Variants in TACR3 observed in about 807,000 individuals in gnomAD.
TACR3 encodes neuromedin-K receptor.
TACR3 carries 34 observed loss-of-function variants against 35.0 expected under a neutral mutation model. That is an observed-to-expected ratio of 0.97 (90% CI 0.74 to 1.30). The LOEUF (loss-of-function observed/expected upper bound fraction) is 1.30. Ranked by LOEUF, TACR3 falls within the 50% of genes most tolerant of loss-of-function variation. The pLI is 0.00. For synonymous variants in TACR3, 233 were observed against 221.1 expected, an observed-to-expected ratio of 1.05 and a Z score of -0.48; for missense variants, 558 against 591.7, an observed-to-expected ratio of 0.94 and a Z score of 0.59.
At chr4:103,671,867 T>A (rs1185804637) in intron 1 of TACR3, among the ~76,000 whole-genome samples, 2 of 152,122 alleles carry the variant, frequency 1.3e-5, no homozygotes, top group Non-Finnish European at 2.9e-5. Context: ...TAACTCTTCT[T>A]TTCACAAAAG....
At chr4:103,656,711 G>C (rs1234466378) in intron 2 of TACR3, among the ~76,000 whole-genome samples, 6 of 151,936 alleles carry the variant, frequency 3.9e-5, no homozygotes, top group Non-Finnish European at 7.4e-5. Context: ...GAAAAGGGAA[G>C]GGATAGAATA....
chr4:103,601,795 C>G (rs1254898115), intron 3 of TACR3, among the ~76,000 whole-genome samples: 3 of 152,154 alleles, frequency 2.0e-5, no homozygotes, highest in African/African-American at 4.8e-5. Context: ...GTAACCTGAC[C>G]TTTCTCTCTG....
intron 3 of TACR3, among the ~76,000 whole-genome samples, chr4:103,603,494 G>T (rs1051799069): frequency 6.6e-6 from 1 of 152,198 alleles, no homozygotes; most frequent in Non-Finnish European, 1.5e-5. Context: ...TGCTCACGCT[G>T]GGCGAACTTA....
At chr4:103,665,722 A>T (rs1229080642) in intron 1 of TACR3, among the ~76,000 whole-genome samples, 1 of 152,136 alleles carries the variant, frequency 6.6e-6, no homozygotes, top group Non-Finnish European at 1.5e-5. Flanking sequence ...TATTTGGTTA[A>T]ATGTTCCTTG....
intron 1 of TACR3, among the ~76,000 whole-genome samples, chr4:103,702,445 T>C (rs933436088): frequency 3.3e-5 from 5 of 152,194 alleles, no homozygotes; most frequent in African/African-American, 1.2e-4. Flanking sequence ...ACTTTTACAC[T>C]GTTGGTGGGA....
Position 103,615,398 on chromosome 4 carries a change from TGAGAGAGA to T in TACR3, c.889-23723_889-23716del, listed in dbSNP as rs111766715. ...TATCGTGTGTGTGTGTGTGTGTGTG[TGAGAGAGA>T]GAGAGAGAGAGAGAGAGAGAGAGAG... On this transcript the variant is annotated intron_variant, in intron 3 of 4. Transcript: ENST00000304883. Among the ~76,000 whole-genome samples the T allele has an allele frequency of 1.8e-3, 216 of 117,178 alleles. 2 individuals carry two copies. Among genetic ancestry groups the T allele is most frequent in the Middle Eastern group, 8.2e-3 (2 of 244 alleles). 76.9% of individuals were successfully genotyped at this position (117,178 alleles called of 152,430 possible).
chr4:103,605,152 T>C (rs1724324563), intron 3 of TACR3, among the ~76,000 whole-genome samples: 1 of 150,328 alleles, frequency 6.7e-6, no homozygotes, highest in Admixed American at 6.7e-5. Context: ...ACAAAGGACA[T>C]GAACTCATCA....
chr4:103,698,799 G>C (rs555392710), intron 1 of TACR3, among the ~76,000 whole-genome samples: 6 of 149,274 alleles, frequency 4.0e-5, no homozygotes, highest in African/African-American at 1.5e-4. Flanking sequence ...GTGGAATTGA[G>C]ATGTTCCTAA....
chr4:103,664,887 C>G (rs76773393), intron 1 of TACR3, among the ~76,000 whole-genome samples: 1 of 151,960 alleles, frequency 6.6e-6, no homozygotes. Flanking sequence ...TCACAGCTCA[C>G]TGAACCTCCA....
chr4:103,615,982 G>T (rs1405725566), intron 3 of TACR3, among the ~76,000 whole-genome samples: 1 of 152,078 alleles, frequency 6.6e-6, no homozygotes, highest in Non-Finnish European at 1.5e-5. Context: ...GACAATTCCG[G>T]AAATACATTT....
chr4:103,700,919 A>C (rs1185260227), intron 1 of TACR3, among the ~76,000 whole-genome samples: 2 of 152,210 alleles, frequency 1.3e-5, no homozygotes, highest in Non-Finnish European at 2.9e-5. Flanking sequence ...AGAGCTATCT[A>C]TGACAAACCC....
chr4:103,708,595 G>C (rs1007306559), intron 1 of TACR3, among the ~76,000 whole-genome samples: 1 of 152,204 alleles, frequency 6.6e-6, no homozygotes, highest in African/African-American at 2.4e-5. Flanking sequence ...AAAAATCGGA[G>C]CACCTCTCCC....
chr4:103,628,862 C>G (rs1271420362), intron 3 of TACR3, among the ~76,000 whole-genome samples: 1 of 151,888 alleles, frequency 6.6e-6, no homozygotes, highest in African/African-American at 2.4e-5. Context: ...ATCAATATCC[C>G]TGATGAACAT....
At chr4:103,595,826 T>C (rs1256789904) in intron 3 of TACR3, among the ~76,000 whole-genome samples, 1 of 151,456 alleles carries the variant, frequency 6.6e-6, no homozygotes, top group Non-Finnish European at 1.5e-5. Flanking sequence ...TGTATACATG[T>C]GCCATGCTGG....
At position 103,589,120 on chromosome 4, in the gene TACR3, T is replaced by G. The variant is rs1390731110; in HGVS notation, c.*562A>C. On this transcript the variant is annotated 3_prime_UTR_variant, in exon 5 of 5. Transcript: ENST00000304883. ...TGGAAGAAATCTTTAAATCTTTAAA[T>G]CTTTACATTCTACAAAATGAGTTTT... 1 of 152,464 alleles carries G rather than the reference T, an allele frequency of 6.6e-6. No individual in the cohort carries two copies. The highest frequency in any genetic ancestry group is 1.9e-4 in the East Asian group (1 of 5,196). The allele number at this position is 152,464 out of a possible 1,614,324, so 9.4% of individuals were successfully genotyped here. A position where few individuals can be genotyped will look rare whatever the true frequency, so the allele number is the denominator to read the frequency against.
chr4:103,702,943 C>G (rs1232266259), intron 1 of TACR3, among the ~76,000 whole-genome samples: 1 of 150,836 alleles, frequency 6.6e-6, no homozygotes, highest in Non-Finnish European at 1.5e-5. Flanking sequence ...GGAGATATAC[C>G]TAATGTTAAA....
chr4:103,707,090 T>C (rs1482154060), intron 1 of TACR3, among the ~76,000 whole-genome samples: 1 of 152,228 alleles, frequency 6.6e-6, no homozygotes, highest in African/African-American at 2.4e-5. Context: ...GGTGGAATGC[T>C]AAATAAAAAT....
Position 103,650,709 on chromosome 4 carries a change from A to AT in TACR3, c.888+5484_888+5485insA, listed in dbSNP as rs1491505967. Among the ~76,000 whole-genome samples, 11 of 44,412 alleles carry AT rather than the reference A, an allele frequency of 2.5e-4. No homozygotes were observed. The African/African-American group carries it at 2.7e-3, about 11-fold the overall frequency. The allele number at this position is 44,412 out of a possible 152,430, so 29.1% of individuals were successfully genotyped here. On this transcript the variant is annotated intron_variant, in intron 3 of 4. Transcript: ENST00000304883. ...ATATATAATATATATTTATATATAT[A>AT]AATATATATAAATAAATATATATTA...
chr4:103,625,580 G>A (rs1301280680), intron 3 of TACR3, among the ~76,000 whole-genome samples: 1 of 151,818 alleles, frequency 6.6e-6, no homozygotes, highest in Non-Finnish European at 1.5e-5. Flanking sequence ...ATGGGAGTAG[G>A]GGGTGGGGGG....
Sources: allele counts gnomAD v4.1 joint callset (sites outside exome capture counted in the v4.1 genomes callset), GRCh38; gene constraint gnomAD v4.1.1; transcripts MANE v1.5; gene names NCBI Gene and HGNC (gene_info 2026-07-23, HGNC 2026-07-21).